The following EYS variants were observed in gnomAD, a reference collection of about 807,000 sequenced individuals.
EYS encodes the protein protein eyes shut homolog.
In EYS, 250 loss-of-function variants were observed where a neutral mutation model predicts 282.1. The ratio of observed to expected loss-of-function variants is 0.89; its 90% CI spans 0.80 to 0.98. EYS has a LOEUF of 0.98. Ranked by LOEUF, EYS falls within the 50% of genes least tolerant of loss-of-function variation. EYS has a pLI of 0.00. For missense variants in EYS, 4,016 were observed against 3,709.0 expected, an observed-to-expected ratio of 1.08 and a Z score of -2.15; for synonymous variants, 1,355 against 1,282.9, an observed-to-expected ratio of 1.06 and a Z score of -1.20.
chr6:64,272,148 G>A (rs1767963207), intron 30 of EYS, among the ~76,000 whole-genome samples: 1 of 152,222 alleles, frequency 6.6e-6, no homozygotes, highest in East Asian at 1.9e-4. Flanking sequence ...GAAACCCATA[G>A]GGATTTTGAG....
At chr6:64,787,122 C>T (rs1053463550) in intron 22 of EYS, among the ~76,000 whole-genome samples, 1 of 152,172 alleles carries the variant, frequency 6.6e-6, no homozygotes, top group Non-Finnish European at 1.5e-5. Flanking sequence ...CAATTCACCA[C>T]CAGTGAAAGT....
intron 36 of EYS, among the ~76,000 whole-genome samples, chr6:63,836,831 A>G (rs1168333739): frequency 6.6e-6 from 1 of 152,084 alleles, no homozygotes; most frequent in Non-Finnish European, 1.5e-5. Context: ...TATTCAGTAA[A>G]TATTTAGTAG....
At chr6:63,933,547 T>C (rs1277007785) in intron 35 of EYS, among the ~76,000 whole-genome samples, 1 of 152,168 alleles carries the variant, frequency 6.6e-6, no homozygotes, top group Non-Finnish European at 1.5e-5. Context: ...GTAGGCATAA[T>C]TGATTACATC....
chr6:63,885,855 T>C (rs941300751), intron 35 of EYS, among the ~76,000 whole-genome samples: 1 of 152,334 alleles, frequency 6.6e-6, no homozygotes, highest in Non-Finnish European at 1.5e-5. Flanking sequence ...CTGTTGTAGA[T>C]GTAATCATTG....
In EYS at chr6:64,785,631, A is replaced by G. The variant is rs527734604; in HGVS notation, c.3443+27747T>C. On this transcript the variant is annotated intron_variant, in intron 22 of 42. Transcript: ENST00000503581. Reference sequence around the variant, plus strand: ...ATAAACATATTTCACCTTCTGAAACATATTTACAGTCTCGACAATAAACAT... The same window carrying G: ...ATAAACATATTTCACCTTCTGAAACGTATTTACAGTCTCGACAATAAACAT... Among the ~76,000 whole-genome samples the G allele has an allele frequency of 3.2e-3, 492 of 152,298 alleles. 3 individuals carry two copies. Among genetic ancestry groups the G allele is most frequent in the Middle Eastern group, 6.8e-3 (2 of 294 alleles).
intron 30 of EYS, among the ~76,000 whole-genome samples, chr6:64,261,728 T>C (rs1767595874): frequency 6.6e-6 from 1 of 152,050 alleles, no homozygotes; most frequent in Admixed American, 6.6e-5. Flanking sequence ...TGTTGCTATC[T>C]GTTATACTTT....
chr6:64,396,142 A>G (rs1331717256), intron 28 of EYS, among the ~76,000 whole-genome samples: 1 of 152,040 alleles, frequency 6.6e-6, no homozygotes, highest in Non-Finnish European at 1.5e-5. Flanking sequence ...TGTTTTTGAG[A>G]TATATATTTT....
At chr6:64,245,683 T>G (rs925321924) in intron 30 of EYS, among the ~76,000 whole-genome samples, 2 of 152,148 alleles carry the variant, frequency 1.3e-5, no homozygotes, top group African/African-American at 2.4e-5. Context: ...GCTTTATCAT[T>G]TTTCACTGTA....
At chr6:64,470,185 T>C (rs1179660735) in intron 26 of EYS, among the ~76,000 whole-genome samples, 1 of 152,136 alleles carries the variant, frequency 6.6e-6, no homozygotes, top group Non-Finnish European at 1.5e-5. Context: ...AGTTGTCTTT[T>C]CTCTCTTTGT....
chr6:64,065,171 G>A (rs187912126), intron 33 of EYS, among the ~76,000 whole-genome samples: 2 of 152,210 alleles, frequency 1.3e-5, no homozygotes, highest in Admixed American at 6.5e-5. Flanking sequence ...CCTGTAAGAA[G>A]TTTCATTTTC....
chr6:65,284,140 C>T (rs1312299693), intron 12 of EYS, among the ~76,000 whole-genome samples: 1 of 152,088 alleles, frequency 6.6e-6, no homozygotes, highest in Non-Finnish European at 1.5e-5. Context: ...CAGTTAGCCT[C>T]TGTTCTGTTG....
intron 12 of EYS, among the ~76,000 whole-genome samples, chr6:65,249,109 G>A (rs1321538026): frequency 1.3e-5 from 2 of 150,298 alleles, no homozygotes; most frequent in Non-Finnish European, 3.0e-5. Flanking sequence ...AACAAACTGT[G>A]GAATAAAATG....
intron 26 of EYS, among the ~76,000 whole-genome samples, chr6:64,529,669 A>G (rs534721859): frequency 6.6e-6 from 1 of 152,154 alleles, no homozygotes; most frequent in Non-Finnish European, 1.5e-5. Context: ...AAAATGAATG[A>G]CTGTAAAACA....
chr6:65,440,870 T>G (rs1768290739), intron 5 of EYS, among the ~76,000 whole-genome samples: 1 of 147,066 alleles, frequency 6.8e-6, no homozygotes, highest in Admixed American at 6.9e-5. Flanking sequence ...TAGATTTATA[T>G]TATATATTTA....
In EYS at chr6:63,778,111, C is replaced by T. The variant is rs527236064; in HGVS notation, c.7793G>A (p.Gly2598Asp). 5.2e-6 allele frequency: 8 copies of T among 1,551,760 alleles called. No homozygotes were observed. The East Asian group carries it at 1.5e-4, about 28-fold the overall frequency. ...AACACTGCGTCCAGCATTTGGGTGG[C>T]CCTCAGGATTTCCCAGTCCTCTGAA... is the stretch of plus-strand genomic sequence containing the variant. Reference protein sequence around the residue: ...GHFRGLGNPEGHPNAGRSVGQ... With the variant: ...GHFRGLGNPEDHPNAGRSVGQ... The change falls in exon 40 of 43, where the codon GGC becomes GAC. Residue 2598 changes from glycine to aspartate, a missense_variant. Physicochemically the swap from Gly to Asp is moderately conservative, Grantham distance 94 (BLOSUM62 -1). Transcript: ENST00000503581.
At chr6:64,089,337 A>G (rs867298556) in intron 31 of EYS, among the ~76,000 whole-genome samples, 1 of 150,712 alleles carries the variant, frequency 6.6e-6, no homozygotes, top group Middle Eastern at 3.5e-3. Context: ...ATAATTACCT[A>G]CATTTATTAT....
chr6:64,272,700 T>A lies in EYS; in HGVS notation c.6191+34270A>T, dbSNP rs532696877. On this transcript the variant is annotated intron_variant, in intron 30 of 42. Transcript: ENST00000503581. ...TGACTGGAATTGTATTAAATATATA[T>A]GTAATCATATGTGTATTAATATTAT... Among the ~76,000 whole-genome samples the A allele has an allele frequency of 7.9e-5, 12 of 152,258 alleles. No homozygotes were observed. The East Asian group carries it at 1.5e-3, about 20-fold the overall frequency.
chr6:64,669,698 T>C (rs920090438), intron 22 of EYS, among the ~76,000 whole-genome samples: 2 of 152,224 alleles, frequency 1.3e-5, no homozygotes, highest in African/African-American at 2.4e-5. Flanking sequence ...GTTTTTTATT[T>C]GTTCTTAAAA....
intron 31 of EYS, among the ~76,000 whole-genome samples, chr6:64,083,235 TGGG>T (rs746184416): frequency 6.6e-6 from 1 of 152,132 alleles, no homozygotes; most frequent in African/African-American, 2.4e-5. Context: ...TTTCTCACAA[TGGG>T]GGGAATTTTC....
Sources: gnomAD v4.1 joint callset for allele counts (sites outside exome capture counted in the v4.1 genomes callset) on GRCh38, gnomAD v4.1.1 for gene constraint, MANE v1.5 for transcripts, NCBI Gene and HGNC (gene_info 2026-07-23, HGNC 2026-07-21) for gene names.